The following ARHGEF19 variants were observed in gnomAD, a reference collection of about 807,000 sequenced individuals.
The protein encoded by ARHGEF19 is Rho guanine nucleotide exchange factor 19, also known as Rho guanine nucleotide exchange factor (GEF) 19.
Under a neutral mutation model 87.6 loss-of-function variants are expected in ARHGEF19, and 92 were observed. The ratio of observed to expected loss-of-function variants is 1.05; its 90% CI spans 0.89 to 1.25. The LOEUF (loss-of-function observed/expected upper bound fraction) is 1.25. Among genes scored for constraint, ARHGEF19 ranks in the 50% most tolerant of loss-of-function variants. ARHGEF19 has a pLI of 0.00. For synonymous variants in ARHGEF19, 438 were observed against 446.2 expected (o/e 0.98, Z 0.23); for missense variants, 1,054 against 1,051.8 (o/e 1.00, Z -0.03).
At position 16,206,806 on chromosome 1, in the gene ARHGEF19, A is replaced by G. The variant is rs2081141032; in HGVS notation, c.1137+142T>C. 6 of 1,118,436 alleles carry G rather than the reference A, an allele frequency of 5.4e-6. No individual in the cohort carries two copies. In the Admixed American group the frequency reaches 2.2e-4, roughly 42 times the overall value. The allele number at this position is 1,118,436 out of a possible 1,614,324, so 69.3% of individuals were successfully genotyped here. A position where few individuals can be genotyped will look rare whatever the true frequency, so the allele number is the denominator to read the frequency against. Reference sequence around the variant, plus strand: ...AGACGGCCTCGTGTAGTCAGGTCCTAGAGCCAACCTTCCGCGCGGACAGTC... The same window carrying G: ...AGACGGCCTCGTGTAGTCAGGTCCTGGAGCCAACCTTCCGCGCGGACAGTC... On this transcript the variant is annotated intron_variant, in intron 6 of 15. Coordinates refer to ENST00000270747, the MANE Select transcript of ARHGEF19 (RefSeq NM_153213.5). The surrounding 1 kb of genome is among the most constrained non-coding windows in gnomAD (Gnocchi z 4.6).
Position 16,207,662 on chromosome 1 carries a change from C to G in ARHGEF19, c.797+13G>C. On this transcript the variant is annotated intron_variant, in intron 4 of 15. Transcript: ENST00000270747. The surrounding 1 kb of genome is among the most constrained non-coding windows in gnomAD (Gnocchi z 4.0). ...ACCCTGTCTCGGACCCAAGCCCAAACGGGAGGTGGTACCTGGGCTCGGACC... is the reference window on the plus strand; with the variant it reads ...ACCCTGTCTCGGACCCAAGCCCAAAGGGGAGGTGGTACCTGGGCTCGGACC... The G allele has an allele frequency of 1.2e-6, 2 of 1,614,080 alleles. No homozygotes were observed.
In ARHGEF19 at chr1:16,207,273, C is replaced by G. The variant is rs142960101; in HGVS notation, c.875-63G>C. On this transcript the variant is annotated intron_variant, in intron 5 of 15. Transcript: ENST00000270747. This position sits in a 1 kb window ranked among gnomAD's most constrained non-coding sequence, Gnocchi z 4.0. ...CGCCAGCCCCTGCCCGGCTTTTCCT[C>G]GGTTCCCTCAAGAGCCCGCGTCACT... The G allele has an allele frequency of 3.4e-4, 503 of 1,458,908 alleles. No homozygotes were observed. In the African/African-American group the frequency reaches 6.6e-3, roughly 19 times the overall value. The allele number at this position is 1,458,908 out of a possible 1,614,324, so 90.4% of individuals were successfully genotyped here.
At position 16,208,099 on chromosome 1, in the gene ARHGEF19, A is replaced by G; in HGVS notation, c.539T>C (p.Leu180Ser). The change falls in exon 3 of 16, where the codon TTG becomes TCG. Residue 180 changes from leucine (L) to serine (S), a missense_variant. Coordinates refer to ENST00000270747, the MANE Select transcript of ARHGEF19 (RefSeq NM_153213.5). ...GAGGCTCACTCGGGTGGACCCAGACAACTCCACCCTGGGCTCCTCTGTGCT... is the reference window on the plus strand; with the variant it reads ...GAGGCTCACTCGGGTGGACCCAGACGACTCCACCCTGGGCTCCTCTGTGCT... ...ALSTEEPRVELSGSTRVSLEG... is the reference protein window; with the variant it reads ...ALSTEEPRVESSGSTRVSLEG... The G allele has an allele frequency of 6.2e-7, 1 of 1,613,998 alleles. No individual in the cohort carries two copies.
chr1:16,206,491 C>T lies in ARHGEF19; in HGVS notation c.1138-151G>A. On this transcript the variant is annotated intron_variant, in intron 6 of 15. Coordinates refer to ENST00000270747, the MANE Select transcript of ARHGEF19 (RefSeq NM_153213.5). The surrounding 1 kb of genome is among the most constrained non-coding windows in gnomAD (Gnocchi z 4.6). ...ATCTGGCGCCGGGCGGGCCCGGCGA[C>T]CCACGTCCCGCCGCGGGAAATTGTG... 1 of 800,056 alleles carries T rather than the reference C, an allele frequency of 1.2e-6. No individual in the cohort carries two copies. The highest frequency in any genetic ancestry group is 2.0e-6 in the Non-Finnish European group (1 of 497,482). The allele number at this position is 800,056 out of a possible 1,614,324, so 49.6% of individuals were successfully genotyped here.
intron 12 of ARHGEF19, among the ~76,000 whole-genome samples, chr1:16,204,012 T>C (rs970428044): frequency 3.9e-5 from 6 of 152,236 alleles, no homozygotes. Context: ...GAATGAATTC[T>C]TCTTATAGCA....
In ARHGEF19 at chr1:16,204,887, C is replaced by T. The variant is rs1390943190; in HGVS notation, c.1779G>A (p.Leu593=). ...GCTCTACCAACTCTCCATGCCGAAC[C>T]AGCCAGCGGGCCTGAGAGATCAGCG... ...IFPLISQARW[L]VRHGELVELA... is the part of the protein sequence containing the mutation. Residue 593 remains leucine (L), a synonymous_variant, in exon 12 of 16, where the codon CTG becomes CTA. Transcript: ENST00000270747. 27 of 1,603,864 alleles carry T rather than the reference C, an allele frequency of 1.7e-5. No homozygotes were observed. Among genetic ancestry groups the T allele is most frequent in the Non-Finnish European group, 2.3e-5 (27 of 1,175,224 alleles).
At position 16,199,201 on chromosome 1, in the gene ARHGEF19, G is replaced by C; in HGVS notation, c.2200C>G (p.Leu734Val). The C allele has an allele frequency of 6.2e-7, 1 of 1,614,054 alleles. No individual in the cohort carries two copies. The highest frequency in any genetic ancestry group is 8.5e-7 in the Non-Finnish European group (1 of 1,179,950). ...AGGATGTCAGTCTTCTCCAAGGTCA[G>C]CTCATCTGGGTGCAGTGCCTTGTAT... ...RTYKALHPDE[L>V]TLEKTDILSV... Residue 734 changes from leucine to valine, a missense_variant, in exon 15 of 16, where the codon CTG (leucine) becomes GTG (valine). Coordinates refer to ENST00000270747, the MANE Select transcript of ARHGEF19 (RefSeq NM_153213.5).
At chr1:16,204,035 C>T (rs761220462) in intron 12 of ARHGEF19, among the ~76,000 whole-genome samples, 3 of 152,160 alleles carry the variant, frequency 2.0e-5, no homozygotes, top group Non-Finnish European at 4.4e-5. Flanking sequence ...ACATGTCCAT[C>T]CTTTTTTGTT....
chr1:16,208,334 A>G, intron 2 of ARHGEF19, 109 bp from the exon 3 acceptor site: 1 of 1,349,496 alleles, frequency 7.4e-7, no homozygotes, highest in Non-Finnish European at 9.9e-7. Context: ...ACCATGCCCA[A>G]GGGAAGGGCC....
chr1:16,201,686 C>A (rs2081084454), intron 14 of ARHGEF19, 96 bp downstream of exon 14: 5 of 1,379,866 alleles, frequency 3.6e-6, no homozygotes, highest in African/African-American at 1.4e-5. Flanking sequence ...TCTCTCTCCC[C>A]ATAGCCCTGC....
At position 16,206,796 on chromosome 1, in the gene ARHGEF19, G is replaced by A. The variant is rs2081140828; in HGVS notation, c.1137+152C>T. 4.8e-6 allele frequency: 5 copies of A among 1,032,776 alleles called. No homozygotes were observed. The highest frequency in any genetic ancestry group is 6.6e-6 in the Non-Finnish European group (5 of 757,434). 64.0% of individuals were successfully genotyped at this position (1,032,776 alleles called of 1,614,324 possible). ...CCTCGCTTCCAGACGGCCTCGTGTA[G>A]TCAGGTCCTAGAGCCAACCTTCCGC... On this transcript the variant is annotated intron_variant, in intron 6 of 15. Transcript: ENST00000270747. This position sits in a 1 kb window ranked among gnomAD's most constrained non-coding sequence, Gnocchi z 4.6.
chr1:16,200,285 T>C (rs1440520658), intron 14 of ARHGEF19, among the ~76,000 whole-genome samples: 5 of 152,258 alleles, frequency 3.3e-5, no homozygotes, highest in Admixed American at 3.3e-4. Context: ...TTCTCAGATA[T>C]GAAAAATGTC....
chr1:16,199,615 C>T (rs551826875), intron 14 of ARHGEF19, among the ~76,000 whole-genome samples: 1 of 152,184 alleles, frequency 6.6e-6, no homozygotes, highest in African/African-American at 2.4e-5. Context: ...AAAACAGTAA[C>T]GGCCCTGCAA....
At position 16,202,718 on chromosome 1, in the gene ARHGEF19, T is replaced by G. The variant is rs372336410; in HGVS notation, c.1908-144A>C. On this transcript the variant is annotated intron_variant, in intron 12 of 15. Transcript: ENST00000270747. ...GTTCTCACAGGGTCCTGCTTCTGGA[T>G]AGGGCACTGCTAGTCCCCACAAGGA... is the stretch of plus-strand genomic sequence containing the variant. The G allele has an allele frequency of 1.1e-4, 124 of 1,082,758 alleles. 1 individual carries two copies. Among genetic ancestry groups the G allele is most frequent in the Non-Finnish European group, 2.1e-5 (16 of 758,696 alleles). 67.1% of individuals were successfully genotyped at this position (1,082,758 alleles called of 1,614,324 possible). A position where few individuals can be genotyped will look rare whatever the true frequency, so the allele number is the denominator to read the frequency against.
intron 14 of ARHGEF19, among the ~76,000 whole-genome samples, chr1:16,200,938 G>T (rs2081079672): frequency 6.6e-6 from 1 of 152,006 alleles, no homozygotes. Context: ...AATAAGCCAG[G>T]CACAATGGCT....
chr1:16,208,587 C>T (rs2081167309), intron 2 of ARHGEF19, 56 bp downstream of exon 2: 1 of 1,525,820 alleles, frequency 6.6e-7, no homozygotes, highest in East Asian at 2.4e-5. Context: ...GCTGCCCAGC[C>T]CCTCCCCTAT....
chr1:16,198,447 G>A lies in ARHGEF19; in HGVS notation c.*140C>T. 1.8e-6 allele frequency: 2 copies of A among 1,130,694 alleles called. No individual in the cohort carries two copies. The highest frequency in any genetic ancestry group is 2.4e-6 in the Non-Finnish European group (2 of 818,984). 70.0% of individuals were successfully genotyped at this position (1,130,694 alleles called of 1,614,324 possible). On this transcript the variant is annotated 3_prime_UTR_variant, in exon 16 of 16. Transcript: ENST00000270747. This position sits in a 1 kb window ranked among gnomAD's most constrained non-coding sequence, Gnocchi z 4.1. The stretch of plus-strand genomic sequence containing the variant: ...CCTCTGGAGGCGCCCCCATTCCTGT[G>A]TCCAGCCTGTGCCCTCAATGCCAAG...
At chr1:16,204,047 T>C (rs1359209604) in intron 12 of ARHGEF19, among the ~76,000 whole-genome samples, 1 of 152,216 alleles carries the variant, frequency 6.6e-6, no homozygotes, top group Non-Finnish European at 1.5e-5. Context: ...TTTTTTGTTT[T>C]AAGAGATGGG....
At position 16,206,374 on chromosome 1, in the gene ARHGEF19, G is replaced by A. The variant is rs2081135237; in HGVS notation, c.1138-34C>T. The A allele has an allele frequency of 1.3e-6, 2 of 1,563,008 alleles. No homozygotes were observed. The highest frequency in any genetic ancestry group is 8.7e-7 in the Non-Finnish European group (1 of 1,153,194). ...GGGCACACACGGGGTCGAAAGGGCA[G>A]GACCAGTTCACCTCGGAGGCCCTGG... On this transcript the variant is annotated intron_variant, in intron 6 of 15. Coordinates refer to ENST00000270747, the MANE Select transcript of ARHGEF19 (RefSeq NM_153213.5). The surrounding 1 kb of genome is among the most constrained non-coding windows in gnomAD (Gnocchi z 4.6).
Sources: gnomAD v4.1 joint callset for allele counts (sites outside exome capture counted in the v4.1 genomes callset) on GRCh38, gnomAD v4.1.1 for gene constraint, Gnocchi (gnomAD v3.1) non-coding constraint, MANE v1.5 for transcripts, NCBI Gene and HGNC (gene_info 2026-07-23, HGNC 2026-07-21) for gene names.